The following EDIL3 variants were observed in gnomAD, a reference collection of about 807,000 sequenced individuals.
EDIL3 encodes EGF-like repeat and discoidin I-like domain-containing protein 3.
A neutral mutation model predicts 67.4 loss-of-function variants in EDIL3; 37 were observed. The observed-to-expected ratio is 0.55, with a 90% CI of 0.42 to 0.72. EDIL3 has a LOEUF of 0.72. Among genes scored for constraint, EDIL3 ranks in the 30% least tolerant of loss-of-function variants. EDIL3 has a pLI of 0.00. For missense variants in EDIL3, 527 were observed against 586.3 expected (o/e 0.90, Z 1.04); for synonymous variants, 195 against 196.3 (o/e 0.99, Z 0.05).
rs529704505 is a variant in EDIL3 at position 84,009,585 on chromosome 5, A to G, written c.1138-46225T>C. On this transcript the variant is annotated intron_variant, in intron 9 of 10. Transcript: ENST00000296591. ...AATTAAACAAAATTCCAGGTAGATT[A>G]ATGTTTAATTTAATGAGCTAACATT... Among the ~76,000 whole-genome samples, 26 of 152,350 alleles carry G rather than the reference A, an allele frequency of 1.7e-4. 1 individual carries two copies. In the South Asian group the frequency reaches 5.4e-3, roughly 32 times the overall value.
At chr5:84,169,381 T>G (rs1748769110) in intron 4 of EDIL3, among the ~76,000 whole-genome samples, 1 of 152,096 alleles carries the variant, frequency 6.6e-6, no homozygotes, top group African/African-American at 2.4e-5. Context: ...TAGTCCAATC[T>G]TATTCAGATT....
chr5:84,234,578 T>C (rs1297679844), intron 2 of EDIL3, among the ~76,000 whole-genome samples: 3 of 152,190 alleles, frequency 2.0e-5, no homozygotes, highest in Admixed American at 1.3e-4. Flanking sequence ...CATTTTTGAG[T>C]GTTTTAAGTA....
intron 5 of EDIL3, among the ~76,000 whole-genome samples, chr5:84,111,808 T>G (rs1016672012): frequency 1.3e-5 from 2 of 152,126 alleles, no homozygotes; most frequent in African/African-American, 4.8e-5. Context: ...GGGGCTTCAG[T>G]GTAATGGGGA....
chr5:84,164,854 G>GA (rs755857619), intron 4 of EDIL3, among the ~76,000 whole-genome samples: 87 of 152,224 alleles, frequency 5.7e-4, no homozygotes, highest in Non-Finnish European at 9.1e-4. Flanking sequence ...TTACAAGGTT[G>GA]AAAGCAGAGG....
intron 9 of EDIL3, among the ~76,000 whole-genome samples, chr5:84,041,547 CAT>C (rs59892790): frequency 6.8e-6 from 1 of 146,556 alleles, no homozygotes; most frequent in Non-Finnish European, 1.5e-5. Flanking sequence ...TGTGTGTGTG[CAT>C]ATATATATAC....
intron 5 of EDIL3, among the ~76,000 whole-genome samples, chr5:84,107,221 C>T (rs900352132): frequency 6.6e-6 from 1 of 151,912 alleles, no homozygotes; most frequent in African/African-American, 2.4e-5. Flanking sequence ...ATTTTTCCAT[C>T]CATTATTTCT....
At chr5:84,384,212 G>A in intron 1 of EDIL3, 96 bp downstream of exon 1, 1 of 1,459,364 alleles carries the variant, frequency 6.9e-7, no homozygotes, top group Admixed American at 2.2e-5. Context: ...GCCACCCTTG[G>A]CACGCCGGAG....
intron 10 of EDIL3, among the ~76,000 whole-genome samples, chr5:83,958,958 T>C (rs1744560642): frequency 2.0e-5 from 3 of 151,206 alleles, no homozygotes; most frequent in Admixed American, 6.6e-5. Context: ...TAAAAATGTA[T>C]GGACTGTAAT....
intron 3 of EDIL3, among the ~76,000 whole-genome samples, chr5:84,187,947 C>T (rs143681549): frequency 5.3e-5 from 8 of 151,964 alleles, no homozygotes; most frequent in Admixed American, 3.3e-4. Context: ...TGAAGAAAGA[C>T]GTAAACTATT....
At chr5:84,272,852 T>A (rs540048047) in intron 1 of EDIL3, among the ~76,000 whole-genome samples, 29 of 152,308 alleles carry the variant, frequency 1.9e-4, no homozygotes, top group African/African-American at 7.0e-4. Flanking sequence ...ATGAATTATT[T>A]TTTTTTTCCT....
chr5:84,308,230 C>G (rs1490803644), intron 1 of EDIL3, among the ~76,000 whole-genome samples: 1 of 151,822 alleles, frequency 6.6e-6, no homozygotes. Flanking sequence ...GTCTTTATTA[C>G]AAATAAATTA....
chr5:83,984,104 G>C (rs977367833), intron 9 of EDIL3, among the ~76,000 whole-genome samples: 6 of 152,024 alleles, frequency 3.9e-5, no homozygotes, highest in African/African-American at 1.2e-4. Context: ...TTGGTTCAGA[G>C]CGTCTTGGGA....
chr5:84,040,959 C>G (rs569850713), intron 9 of EDIL3, among the ~76,000 whole-genome samples: 1 of 152,034 alleles, frequency 6.6e-6, no homozygotes, highest in Non-Finnish European at 1.5e-5. Context: ...TGGCAAAACC[C>G]TATCTCTACA....
chr5:84,350,175 T>G (rs1747326221), intron 1 of EDIL3, among the ~76,000 whole-genome samples: 1 of 152,250 alleles, frequency 6.6e-6, no homozygotes, highest in South Asian at 2.1e-4. Flanking sequence ...GTTATTATAT[T>G]AAATTCCTAA....
At chr5:84,356,136 T>C (rs1313295378) in intron 1 of EDIL3, among the ~76,000 whole-genome samples, 3 of 152,328 alleles carry the variant, frequency 2.0e-5, no homozygotes, top group East Asian at 1.9e-4. Context: ...TGCAAGAGTG[T>C]TGGGAAGTGT....
intron 1 of EDIL3, among the ~76,000 whole-genome samples, chr5:84,365,249 T>C (rs904001144): frequency 3.9e-5 from 6 of 152,136 alleles, no homozygotes; most frequent in African/African-American, 7.2e-5. Flanking sequence ...CATGAACTAG[T>C]AGATTACAAA....
At chr5:84,051,180 G>A (rs1286546506) in intron 9 of EDIL3, among the ~76,000 whole-genome samples, 11 of 152,186 alleles carry the variant, frequency 7.2e-5, no homozygotes, top group Admixed American at 5.2e-4. Context: ...TGCAGCCTCC[G>A]CTGCTGATAC....
At chr5:84,370,416 T>C (rs1442876048) in intron 1 of EDIL3, among the ~76,000 whole-genome samples, 2 of 152,182 alleles carry the variant, frequency 1.3e-5, no homozygotes, top group Admixed American at 1.3e-4. Flanking sequence ...AAAGAAGTTA[T>C]GCTTGGAGGA....
At chr5:84,295,710 C>T (rs1009286263) in intron 1 of EDIL3, among the ~76,000 whole-genome samples, 7 of 151,992 alleles carry the variant, frequency 4.6e-5, no homozygotes, top group South Asian at 2.1e-4. Context: ...CTTAATAATG[C>T]ATACTGATAT....
Sources: gnomAD v4.1 joint callset for allele counts (sites outside exome capture counted in the v4.1 genomes callset) on GRCh38, gnomAD v4.1.1 for gene constraint, MANE v1.5 for transcripts, NCBI Gene and HGNC (gene_info 2026-07-23, HGNC 2026-07-21) for gene names.